PKDCC: variants seen among roughly 807,000 people sequenced by gnomAD.
The protein encoded by PKDCC is protein kinase domain containing, cytoplasmic, also known as extracellular tyrosine-protein kinase PKDCC.
A neutral mutation model predicts 44.7 loss-of-function variants in PKDCC; 35 were observed. The observed-to-expected ratio is 0.78, with a 90% CI of 0.60 to 1.04. The LOEUF is 1.04. Ranked by LOEUF, PKDCC falls within the 50% of genes least tolerant of loss-of-function variation. The pLI is 0.00. For synonymous variants in PKDCC, 353 were observed against 303.3 expected (o/e 1.16, Z -1.70); for missense variants, 738 against 672.7 (o/e 1.10, Z -1.07).
chr2:42,049,712 G>C (rs558780310), intron 1 of PKDCC, among the ~76,000 whole-genome samples: 1 of 152,168 alleles, frequency 6.6e-6, no homozygotes, highest in Non-Finnish European at 1.5e-5. Context: ...CTCCAAGCTA[G>C]ACTTTGAGTG....
chr2:42,057,790 C>G lies in PKDCC; in HGVS notation c.*102C>G. The G allele has an allele frequency of 1.0e-6, 1 of 953,888 alleles. No individual in the cohort carries two copies. The highest frequency in any genetic ancestry group is 1.6e-6 in the Non-Finnish European group (1 of 624,932). 59.1% of individuals were successfully genotyped at this position (953,888 alleles called of 1,614,324 possible). On this transcript the variant is annotated 3_prime_UTR_variant, in exon 7 of 7. Transcript: ENST00000294964. The stretch of plus-strand genomic sequence containing the variant: ...GCAGCACTGCATGTCACCTGGGAAC[C>G]CCTGCAGACAAAGCTAACATCCCAG...
chr2:42,048,979 C>A lies in PKDCC; in HGVS notation c.639+141C>A, dbSNP rs1023131184. 15 of 1,277,894 alleles carry A rather than the reference C, an allele frequency of 1.2e-5. No homozygotes were observed. Among genetic ancestry groups the A allele is most frequent in the Non-Finnish European group, 1.5e-5 (15 of 996,462 alleles). The allele number at this position is 1,277,894 out of a possible 1,614,324, so 79.2% of individuals were successfully genotyped here. ...GCTAGACGCAGAAACCGGACCATGG[C>A]CCTTCCCACTGCACCACCCTGCTTC... On this transcript the variant is annotated intron_variant, in intron 1 of 6. Transcript: ENST00000294964. This position sits in a 1 kb window ranked among gnomAD's most constrained non-coding sequence, Gnocchi z 6.2.
chr2:42,048,446 G>C lies in PKDCC; in HGVS notation c.247G>C (p.Glu83Gln). The C allele has an allele frequency of 1.8e-6, 2 of 1,101,800 alleles. No individual in the cohort carries two copies. The highest frequency in any genetic ancestry group is 2.2e-6 in the Non-Finnish European group (2 of 908,586). 68.3% of individuals were successfully genotyped at this position (1,101,800 alleles called of 1,614,324 possible). A position where few individuals can be genotyped will look rare whatever the true frequency, so the allele number is the denominator to read the frequency against. ...CCCCGGGCCCGGGGCGGGCCGGCCG[G>C]AGCGGCGGCGCCTGATGGACCTGGC... ...GGPGPGAGRP[E>Q]RRRLMDLAPG... The change falls in exon 1 of 7, where the codon GAG becomes CAG. Residue 83 changes from glutamate (E) to glutamine (Q), a missense_variant. Physicochemically the swap from Glu to Gln is conservative, Grantham distance 29. Transcript: ENST00000294964. This position sits in a 1 kb window ranked among gnomAD's most constrained non-coding sequence, Gnocchi z 6.2.
rs1668019035 is a variant in PKDCC at position 42,054,337 on chromosome 2, A to C, written c.1034+30A>C. The C allele has an allele frequency of 1.3e-6, 2 of 1,572,600 alleles. No individual in the cohort carries two copies. Among genetic ancestry groups the C allele is most frequent in the Non-Finnish European group, 1.7e-6 (2 of 1,156,510 alleles). On this transcript the variant is annotated intron_variant, in intron 3 of 6. Coordinates refer to ENST00000294964, the MANE Select transcript of PKDCC (RefSeq NM_138370.3). The surrounding 1 kb of genome is among the most constrained non-coding windows in gnomAD (Gnocchi z 6.1). ...CCTCCACCCCTGACTCGGGAACTCC[A>C]TCGAAGGAGAATGGGCCAGGAGGGC...
intron 5 of PKDCC, among the ~76,000 whole-genome samples, chr2:42,056,822 T>C (rs1419154302): frequency 6.6e-6 from 1 of 152,114 alleles, no homozygotes; most frequent in Non-Finnish European, 1.5e-5. Flanking sequence ...GAGTCCTTGG[T>C]AATTCACATG....
In PKDCC at chr2:42,054,416, G is replaced by C. The variant is rs1668020164; in HGVS notation, c.1034+109G>C. The C allele has an allele frequency of 1.5e-6, 2 of 1,348,154 alleles. No individual in the cohort carries two copies. The highest frequency in any genetic ancestry group is 1.0e-6 in the Non-Finnish European group (1 of 989,880). The allele number at this position is 1,348,154 out of a possible 1,614,324, so 83.5% of individuals were successfully genotyped here. On this transcript the variant is annotated intron_variant, in intron 3 of 6. Coordinates refer to ENST00000294964, the MANE Select transcript of PKDCC (RefSeq NM_138370.3). This position sits in a 1 kb window ranked among gnomAD's most constrained non-coding sequence, Gnocchi z 6.1. ...CAGCTGGGCAGGGAGACTCAGCCTT[G>C]ACCAGAGCAAGGGAAGGCTTCTACC...
chr2:42,048,943 A>C lies in PKDCC; in HGVS notation c.639+105A>C. On this transcript the variant is annotated intron_variant, in intron 1 of 6. Coordinates refer to ENST00000294964, the MANE Select transcript of PKDCC (RefSeq NM_138370.3). This position sits in a 1 kb window ranked among gnomAD's most constrained non-coding sequence, Gnocchi z 6.2. The stretch of plus-strand genomic sequence containing the variant: ...CTTGATCTGGAGTGCCAGTGACTGC[A>C]CCCAGGCTAAGCTAGACGCAGAAAC... The C allele has an allele frequency of 7.5e-7, 1 of 1,336,000 alleles. No homozygotes were observed. The allele number at this position is 1,336,000 out of a possible 1,614,324, so 82.8% of individuals were successfully genotyped here.
Position 42,053,324 on chromosome 2 carries a change from T to C in PKDCC, c.725T>C (p.Ile242Thr), listed in dbSNP as rs1393285527. The change falls in exon 2 of 7, where the codon ATC (isoleucine) becomes ACC (threonine). Residue 242 changes from isoleucine to threonine, a missense_variant. Coordinates refer to ENST00000294964, the MANE Select transcript of PKDCC (RefSeq NM_138370.3). ...GAGCTGGGCGCCCCTGTAGAAATGA[T>C]CCAGCTGCTGCAAACTTCCTGGGAG... ...ITELGAPVEM[I>T]QLLQTSWEDR... 3 of 1,613,638 alleles carry C rather than the reference T, an allele frequency of 1.9e-6. No homozygotes were observed. The South Asian group carries it at 3.3e-5, about 18-fold the overall frequency.
Position 42,054,540 on chromosome 2 carries a change from A to C in PKDCC, c.1034+233A>C. The C allele has an allele frequency of 1.7e-6, 1 of 587,840 alleles. No individual in the cohort carries two copies. The highest frequency in any genetic ancestry group is 3.0e-6 in the Non-Finnish European group (1 of 337,918). The allele number at this position is 587,840 out of a possible 1,614,324, so 36.4% of individuals were successfully genotyped here. ...GGGGGTGGCAGCTGGAGGCTTCTTA[A>C]AATAGTGTTGGACTCGGAGCCTAGG... On this transcript the variant is annotated intron_variant, in intron 3 of 6. Transcript: ENST00000294964. The surrounding 1 kb of genome is among the most constrained non-coding windows in gnomAD (Gnocchi z 6.1).
chr2:42,052,837 G>T lies in PKDCC; in HGVS notation c.640-402G>T, dbSNP rs1189919468. ...TCTTAGGCTCCTACATTGATCAGCT[G>T]TGCGACCTTATGCAAGCAACTTAAC... On this transcript the variant is annotated intron_variant, in intron 1 of 6. Coordinates refer to ENST00000294964, the MANE Select transcript of PKDCC (RefSeq NM_138370.3). The surrounding 1 kb of genome is among the most constrained non-coding windows in gnomAD (Gnocchi z 4.3). Among the ~76,000 whole-genome samples the T allele has an allele frequency of 6.6e-6, 1 of 152,112 alleles. No individual in the cohort carries two copies. The highest frequency in any genetic ancestry group is 1.5e-5 in the Non-Finnish European group (1 of 68,034).
rs1165041569 is a variant in PKDCC, at chr2:42,052,131, T to C, written c.640-1108T>C. Among the ~76,000 whole-genome samples, 1 of 152,058 alleles carries C rather than the reference T, an allele frequency of 6.6e-6. No individual in the cohort carries two copies. Among genetic ancestry groups the C allele is most frequent in the Non-Finnish European group, 1.5e-5 (1 of 68,010 alleles). ...GGGCAGTGCGGAGCTTCTCCCCAGA[T>C]GACATAGAGTGGGCAGTTCCCTGTG... On this transcript the variant is annotated intron_variant, in intron 1 of 6. Coordinates refer to ENST00000294964, the MANE Select transcript of PKDCC (RefSeq NM_138370.3). The surrounding 1 kb of genome is among the most constrained non-coding windows in gnomAD (Gnocchi z 4.3).
intron 1 of PKDCC, among the ~76,000 whole-genome samples, chr2:42,050,365 A>G (rs1299073561): frequency 1.3e-5 from 2 of 152,194 alleles, no homozygotes; most frequent in Non-Finnish European, 2.9e-5. Flanking sequence ...GAGGGAGTGG[A>G]GAGGTCTTGA....
Position 42,048,890 on chromosome 2 carries a change from C to G in PKDCC, c.639+52C>G, listed in dbSNP as rs757791802. 4 of 1,400,834 alleles carry G rather than the reference C, an allele frequency of 2.9e-6. No homozygotes were observed. In the East Asian group the frequency reaches 1.0e-4, roughly 35 times the overall value. 86.8% of individuals were successfully genotyped at this position (1,400,834 alleles called of 1,614,324 possible). A position where few individuals can be genotyped will look rare whatever the true frequency, so the allele number is the denominator to read the frequency against. On this transcript the variant is annotated intron_variant, in intron 1 of 6. Transcript: ENST00000294964. The surrounding 1 kb of genome is among the most constrained non-coding windows in gnomAD (Gnocchi z 6.2). ...CGGTGTTGGCTGGGAGTGCCCAAGA[C>G]CTTGTCAACCTGGCTGGAAGAGAAC...
rs1668002414 is a variant in PKDCC at position 42,053,399 on chromosome 2, C to A, written c.762+38C>A. 5 of 1,578,024 alleles carry A rather than the reference C, an allele frequency of 3.2e-6. No individual in the cohort carries two copies. The East Asian group carries it at 9.0e-5, about 28-fold the overall frequency. On this transcript the variant is annotated intron_variant, in intron 2 of 6. Transcript: ENST00000294964. ...GAGGGCTCGGGCCCTGGGCTCCTTG[C>A]TAGGATGGTTCTGCCTTAGAAGGCC...
At position 42,048,512 on chromosome 2, in the gene PKDCC, G is replaced by T; in HGVS notation, c.313G>T (p.Ala105Ser). ...CCTGCCGCGCCCCCGGCCCCCTTGG[G>T]CCCGGCCCCTGTCCGACGGCGCCCC... The part of the protein sequence containing the change: ...PGLPRPRPPW[A>S]RPLSDGAPGW... The change falls in exon 1 of 7, where the codon GCC becomes TCC. Residue 105 changes from alanine (A) to serine (S), a missense_variant. Ala to Ser is a moderately conservative substitution (Grantham distance 99). Transcript: ENST00000294964. This position sits in a 1 kb window ranked among gnomAD's most constrained non-coding sequence, Gnocchi z 6.2. The T allele has an allele frequency of 1.7e-6, 2 of 1,148,786 alleles. No homozygotes were observed. Among genetic ancestry groups the T allele is most frequent in the Non-Finnish European group, 2.1e-6 (2 of 939,814 alleles). The allele number at this position is 1,148,786 out of a possible 1,614,324, so 71.2% of individuals were successfully genotyped here. A position where few individuals can be genotyped will look rare whatever the true frequency, so the allele number is the denominator to read the frequency against.
chr2:42,051,547 G>A lies in PKDCC; in HGVS notation c.640-1692G>A, dbSNP rs999640158. On this transcript the variant is annotated intron_variant, in intron 1 of 6. Transcript: ENST00000294964. The surrounding 1 kb of genome is among the most constrained non-coding windows in gnomAD (Gnocchi z 4.2). ...GGTGTTGATTAATACCTCGTTAACA[G>A]CGCATTTAACGACCTCCGGGTGTTT... Among the ~76,000 whole-genome samples the A allele has an allele frequency of 4.6e-5, 7 of 152,126 alleles. No individual in the cohort carries two copies. Among genetic ancestry groups the A allele is most frequent in the Non-Finnish European group, 1.0e-4 (7 of 68,018 alleles).
At position 42,048,850 on chromosome 2, in the gene PKDCC, G is replaced by T. The variant is rs368089911; in HGVS notation, c.639+12G>T. The T allele has an allele frequency of 1.4e-6, 2 of 1,455,374 alleles. No homozygotes were observed. Among genetic ancestry groups the T allele is most frequent in the African/African-American group, 2.8e-5 (2 of 71,206 alleles). The allele number at this position is 1,455,374 out of a possible 1,614,324, so 90.2% of individuals were successfully genotyped here. Reference sequence around the variant, plus strand: ...CCAACGTGCTGCAGGTACGAGGGTGGGGACGCGGGGGTAACGGTGTTGGCT... The same window carrying T: ...CCAACGTGCTGCAGGTACGAGGGTGTGGACGCGGGGGTAACGGTGTTGGCT... On this transcript the variant is annotated intron_variant, in intron 1 of 6. Coordinates refer to ENST00000294964, the MANE Select transcript of PKDCC (RefSeq NM_138370.3). The surrounding 1 kb of genome is among the most constrained non-coding windows in gnomAD (Gnocchi z 6.2).
At chr2:42,056,716 ATT>A (rs1668062036) in intron 5 of PKDCC, among the ~76,000 whole-genome samples, 1 of 151,786 alleles carries the variant, frequency 6.6e-6, no homozygotes. Flanking sequence ...GTAAGCTATG[ATT>A]GTGTCACTGC....
rs1667977309 is a variant in PKDCC at position 42,052,078 on chromosome 2, A to C, written c.640-1161A>C. Among the ~76,000 whole-genome samples, 1 of 151,908 alleles carries C rather than the reference A, an allele frequency of 6.6e-6. No homozygotes were observed. The highest frequency in any genetic ancestry group is 2.4e-5 in the African/African-American group (1 of 41,298). ...TGGGTGCTGTTAAGGTGGTAGTGAC[A>C]CTCAGGCTTTGCTTCCCAGAAGTCC... On this transcript the variant is annotated intron_variant, in intron 1 of 6. Transcript: ENST00000294964. This position sits in a 1 kb window ranked among gnomAD's most constrained non-coding sequence, Gnocchi z 4.3.
Sources: gnomAD v4.1 joint callset for allele counts (sites outside exome capture counted in the v4.1 genomes callset) on GRCh38, gnomAD v4.1.1 for gene constraint, Gnocchi (gnomAD v3.1) non-coding constraint, MANE v1.5 for transcripts, NCBI Gene and HGNC (gene_info 2026-07-23, HGNC 2026-07-21) for gene names.